PPP1R9A: variants seen among roughly 807,000 people sequenced by gnomAD.
PPP1R9A encodes protein phosphatase 1 regulatory subunit 9A.
In PPP1R9A, 59 loss-of-function variants were observed where a neutral mutation model predicts 141.9. The observed-to-expected ratio is 0.42, with a 90% confidence interval of 0.34 to 0.52. The LOEUF is 0.52. Ranked by LOEUF, PPP1R9A falls within the 20% of genes least tolerant of loss-of-function variation. PPP1R9A has a pLI of 0.10. For missense variants in PPP1R9A, 1,444 were observed against 1,611.9 expected (o/e 0.90, Z 1.78); for synonymous variants, 500 against 569.7 (o/e 0.88, Z 1.74).
chr7:95,103,514 C>A (rs953331319), intron 2 of PPP1R9A, among the ~76,000 whole-genome samples: 11 of 151,800 alleles, frequency 7.2e-5, no homozygotes, highest in African/African-American at 2.7e-4. Flanking sequence ...ACTACAGGCA[C>A]CTGCCATCAC....
In PPP1R9A at chr7:95,227,342, A is replaced by G. The variant is rs558906442; in HGVS notation, c.2112+1226A>G. On this transcript the variant is annotated intron_variant, in intron 8 of 19. Coordinates refer to ENST00000433360, the MANE Select transcript of PPP1R9A (RefSeq NM_001166160.2). The stretch of plus-strand genomic sequence containing the variant: ...TTTGGTAGATAATTGAGCTGGAAGA[A>G]GGGTCCACATTCTTTTATGGGAGGT... Among the ~76,000 whole-genome samples the G allele has an allele frequency of 2.0e-5, 3 of 152,214 alleles. No individual in the cohort carries two copies. The South Asian group carries it at 6.2e-4, about 32-fold the overall frequency.
At chr7:95,159,690 G>A (rs1408374680) in intron 4 of PPP1R9A, among the ~76,000 whole-genome samples, 3 of 151,976 alleles carry the variant, frequency 2.0e-5, no homozygotes, top group Non-Finnish European at 2.9e-5. Context: ...TTGGGAGGCC[G>A]AGGCGGGAAG....
chr7:95,122,304 G>A (rs1470211058), intron 4 of PPP1R9A, among the ~76,000 whole-genome samples: 1 of 151,986 alleles, frequency 6.6e-6, no homozygotes, highest in Non-Finnish European at 1.5e-5. Flanking sequence ...GGACCACCAC[G>A]CCCAGCTAAT....
intron 4 of PPP1R9A, among the ~76,000 whole-genome samples, chr7:95,145,420 A>G (rs1827426557): frequency 6.6e-6 from 1 of 152,238 alleles, no homozygotes; most frequent in Non-Finnish European, 1.5e-5. Flanking sequence ...AGTCTTCAAG[A>G]TTCATTAAAA....
rs1820547598 is a variant in PPP1R9A, at chr7:95,111,460, A to T, written c.1528+69A>T. On this transcript the variant is annotated intron_variant, in intron 3 of 19. Coordinates refer to ENST00000433360, the MANE Select transcript of PPP1R9A (RefSeq NM_001166160.2). Reference sequence around the variant, plus strand: ...AATAATACAGAATTATTTTTCCAAAATGTAGCCTTTTTTCTAAGGATTGGA... The same window carrying T: ...AATAATACAGAATTATTTTTCCAAATTGTAGCCTTTTTTCTAAGGATTGGA... The T allele has an allele frequency of 5.7e-6, 8 of 1,415,374 alleles. No homozygotes were observed. In the South Asian group the frequency reaches 1.2e-4, roughly 20 times the overall value. 87.7% of individuals were successfully genotyped at this position (1,415,374 alleles called of 1,614,324 possible).
At chr7:95,111,127 C>G (rs1037283385) in intron 2 of PPP1R9A, 132 bp from the exon 3 acceptor site, 43 of 1,010,630 alleles carry the variant, frequency 4.3e-5, no homozygotes, top group Non-Finnish European at 5.8e-5. Flanking sequence ...CTTAACATCT[C>G]AATTGATTTT....
chr7:95,288,629 A>G lies in PPP1R9A; in HGVS notation c.3823A>G (p.Ser1275Gly). The change falls in exon 19 of 20, where the codon AGC becomes GGC. Residue 1275 changes from serine (S) to glycine (G), a missense_variant. Ser to Gly is a moderately conservative substitution (Grantham distance 56, BLOSUM62 0). Transcript: ENST00000433360. ...SVQQVSHWLM[S>G]LNLEQYVSEF... is the part of the protein sequence containing the mutation. ...GCAGCAGGTTTCTCACTGGTTAATG[A>G]GCCTAAATCTGGAGCAGTATGTATC... 6.2e-7 allele frequency: 1 copy of G among 1,614,108 alleles called. No homozygotes were observed. Among genetic ancestry groups the G allele is most frequent in the Non-Finnish European group, 8.5e-7 (1 of 1,180,012 alleles).
chr7:95,230,792 A>G (rs1008394834), intron 8 of PPP1R9A, among the ~76,000 whole-genome samples: 2 of 152,164 alleles, frequency 1.3e-5, no homozygotes, highest in Non-Finnish European at 2.9e-5. Context: ...GAAATACACC[A>G]AAATAGAACC....
intron 2 of PPP1R9A, among the ~76,000 whole-genome samples, chr7:94,973,118 T>C (rs1799043467): frequency 6.6e-6 from 1 of 152,210 alleles, no homozygotes; most frequent in Non-Finnish European, 1.5e-5. Context: ...ACTTTTTTGC[T>C]TTATGAGATT....
chr7:94,933,948 G>A (rs1019214149), intron 2 of PPP1R9A, among the ~76,000 whole-genome samples: 1 of 152,200 alleles, frequency 6.6e-6, no homozygotes, highest in Admixed American at 6.5e-5. Context: ...GAAGCAGACT[G>A]CCATTGAATA....
At chr7:95,019,630 T>A (rs189125565) in intron 2 of PPP1R9A, among the ~76,000 whole-genome samples, 1 of 152,210 alleles carries the variant, frequency 6.6e-6, no homozygotes, top group African/African-American at 2.4e-5. Flanking sequence ...AATACATGAA[T>A]AATCGATAAA....
chr7:94,993,291 C>T (rs1226251590), intron 2 of PPP1R9A, among the ~76,000 whole-genome samples: 1 of 152,124 alleles, frequency 6.6e-6, no homozygotes, highest in East Asian at 1.9e-4. Flanking sequence ...GCCAGTACCA[C>T]ATTCTGTTAT....
At chr7:95,284,527 A>G (rs1319448763) in intron 17 of PPP1R9A, among the ~76,000 whole-genome samples, 197 bp downstream of exon 17, 1 of 152,216 alleles carries the variant, frequency 6.6e-6, no homozygotes, top group Non-Finnish European at 1.5e-5. Context: ...TGAATCATAG[A>G]ACAGAATGAT....
At chr7:94,956,371 G>A (rs1303088463) in intron 2 of PPP1R9A, among the ~76,000 whole-genome samples, 1 of 152,028 alleles carries the variant, frequency 6.6e-6, no homozygotes, top group African/African-American at 2.4e-5. Context: ...TATTTTCTAT[G>A]TAAAGGTTGA....
In PPP1R9A at chr7:95,273,948, G is replaced by A; in HGVS notation, c.3174G>A (p.Val1058=). ...TAAGGGCATCCAGTTCATTGGCGGT[G>A]CAAGGAGGAAAAATTAAGCGGAAGT... The part of the protein sequence containing the change: ...KSLRASSSLA[V]QGGKIKRKFV... The change falls in exon 15 of 20, where the codon GTG becomes GTA. Residue 1058 remains valine, a synonymous_variant. Transcript: ENST00000433360. 1 of 1,505,176 alleles carries A rather than the reference G, an allele frequency of 6.6e-7. No individual in the cohort carries two copies. The highest frequency in any genetic ancestry group is 9.1e-7 in the Non-Finnish European group (1 of 1,095,256). 93.2% of individuals were successfully genotyped at this position (1,505,176 alleles called of 1,614,324 possible).
intron 7 of PPP1R9A, among the ~76,000 whole-genome samples, chr7:95,216,271 G>A (rs1282266448): frequency 6.6e-5 from 10 of 152,158 alleles, no homozygotes; most frequent in African/African-American, 2.4e-4. Flanking sequence ...AGATCAGATG[G>A]TTGTAGATGT....
chr7:95,023,146 C>G (rs1010286286), intron 2 of PPP1R9A, among the ~76,000 whole-genome samples: 1 of 152,142 alleles, frequency 6.6e-6, no homozygotes, highest in Non-Finnish European at 1.5e-5. Context: ...ATTACTGCCT[C>G]AGTTTTAGAA....
intron 2 of PPP1R9A, among the ~76,000 whole-genome samples, chr7:95,061,639 G>A (rs1812244851): frequency 6.6e-6 from 1 of 152,148 alleles, no homozygotes; most frequent in South Asian, 2.1e-4. Flanking sequence ...GGGAGGTTGA[G>A]GTGGGAGGAT....
intron 2 of PPP1R9A, among the ~76,000 whole-genome samples, chr7:95,057,671 A>G (rs549608682): frequency 2.0e-5 from 3 of 152,272 alleles, no homozygotes; most frequent in Non-Finnish European, 2.9e-5. Flanking sequence ...AATTCCTCTC[A>G]GATCTCATTT....
Sources: gnomAD v4.1 joint callset for allele counts (sites outside exome capture counted in the v4.1 genomes callset) on GRCh38, gnomAD v4.1.1 for gene constraint, MANE v1.5 for transcripts, NCBI Gene and HGNC (gene_info 2026-07-23, HGNC 2026-07-21) for gene names.